Variants in CSMD1 observed in about 807,000 individuals in gnomAD.
CSMD1 encodes CUB and sushi domain-containing protein 1.
A neutral mutation model predicts 417.5 loss-of-function variants in CSMD1; 213 were observed. That is an observed-to-expected ratio of 0.51 (90% CI 0.46 to 0.57). The LOEUF (loss-of-function observed/expected upper bound fraction) is 0.57. Ranked by LOEUF, CSMD1 falls within the 20% of genes least tolerant of loss-of-function variation. The pLI is 0.00. For synonymous variants in CSMD1, 2,862 were observed against 1,736.8 expected, an observed-to-expected ratio of 1.65 and a Z score of -16.11; for missense variants, 6,923 against 4,529.7, an observed-to-expected ratio of 1.53 and a Z score of -15.17.
chr8:3,132,341 T>C (rs1400817897), intron 41 of CSMD1, among the ~76,000 whole-genome samples: 1 of 152,258 alleles, frequency 6.6e-6, no homozygotes, highest in East Asian at 1.9e-4. Flanking sequence ...GCTAGCCTAA[T>C]ACATAGACGG....
intron 5 of CSMD1, among the ~76,000 whole-genome samples, chr8:3,915,486 A>G (rs1302823012): frequency 2.0e-5 from 3 of 151,736 alleles, no homozygotes; most frequent in African/African-American, 7.3e-5. Flanking sequence ...AGTGCAGGAA[A>G]GGATGACATG....
intron 5 of CSMD1, among the ~76,000 whole-genome samples, chr8:3,945,166 C>T (rs1325988313): frequency 9.0e-6 from 1 of 111,596 alleles, no homozygotes; most frequent in Non-Finnish European, 1.8e-5. Flanking sequence ...AATAATTTGA[C>T]CATGAGAAAG....
chr8:4,607,407 G>A (rs1423474113), intron 2 of CSMD1, among the ~76,000 whole-genome samples: 1 of 152,138 alleles, frequency 6.6e-6, no homozygotes, highest in Non-Finnish European at 1.5e-5. Context: ...AAAATTGCAG[G>A]CAACAACTTC....
At chr8:4,408,474 T>C (rs1212001412) in intron 3 of CSMD1, among the ~76,000 whole-genome samples, 2 of 152,214 alleles carry the variant, frequency 1.3e-5, no homozygotes, top group Non-Finnish European at 2.9e-5. Context: ...TATTGACTGT[T>C]TTTAATAGCT....
intron 1 of CSMD1, among the ~76,000 whole-genome samples, chr8:4,868,333 G>T (rs897635047): frequency 6.6e-6 from 1 of 151,882 alleles, no homozygotes; most frequent in Non-Finnish European, 1.5e-5. Flanking sequence ...CCCTGGGTTC[G>T]AGCGATTCGC....
Position 4,398,451 on chromosome 8 carries a change from T to G in CSMD1, c.415+21502A>C, listed in dbSNP as rs1048902052. Among the ~76,000 whole-genome samples the G allele has an allele frequency of 3.6e-5, 5 of 138,414 alleles. No individual in the cohort carries two copies. In the East Asian group the frequency reaches 6.7e-4, roughly 19 times the overall value. The allele number at this position is 138,414 out of a possible 152,430, so 90.8% of individuals were successfully genotyped here. A position where few individuals can be genotyped will look rare whatever the true frequency, so the allele number is the denominator to read the frequency against. The stretch of plus-strand genomic sequence containing the variant: ...TCTGTCACCCCAGGCTGGAGCGCAG[T>G]GGTGCGATCTCGGCTCACTGCAACC... On this transcript the variant is annotated intron_variant, in intron 3 of 69. Transcript: ENST00000635120.
intron 3 of CSMD1, among the ~76,000 whole-genome samples, chr8:4,283,854 C>G (rs779122): frequency 0.94 from 142,469 of 152,270 alleles, 67,380 homozygotes; most frequent in East Asian, 1. Flanking sequence ...CTAACAGTTT[C>G]ATGTGCTGAC....
intron 5 of CSMD1, among the ~76,000 whole-genome samples, chr8:3,971,584 T>C (rs959096691): frequency 1.3e-5 from 2 of 152,190 alleles, no homozygotes; most frequent in Admixed American, 1.3e-4. Flanking sequence ...CATAATTTTG[T>C]AGAATATGTT....
chr8:4,297,927 G>A (rs763254501), intron 3 of CSMD1, among the ~76,000 whole-genome samples: 3 of 152,144 alleles, frequency 2.0e-5, no homozygotes, highest in South Asian at 2.1e-4. Context: ...GTTTTTATTA[G>A]CAAAGGAAAA....
intron 22 of CSMD1, among the ~76,000 whole-genome samples, chr8:3,344,698 C>A (rs1807875891): frequency 6.6e-6 from 1 of 152,250 alleles, no homozygotes; most frequent in East Asian, 1.9e-4. Context: ...CTATTTTCCC[C>A]ACTTCTTTCC....
intron 1 of CSMD1, among the ~76,000 whole-genome samples, chr8:4,878,285 CTT>C (rs1803175126): frequency 6.6e-6 from 1 of 152,070 alleles, no homozygotes; most frequent in Non-Finnish European, 1.5e-5. Flanking sequence ...TCTTGACCAA[CTT>C]AACACAACGC....
At chr8:4,549,392 C>A (rs1227902071) in intron 2 of CSMD1, among the ~76,000 whole-genome samples, 2 of 152,142 alleles carry the variant, frequency 1.3e-5, no homozygotes, top group Non-Finnish European at 2.9e-5. Context: ...AAACAAAACA[C>A]AGTAACAGTT....
chr8:4,001,305 G>A (rs576633036), intron 4 of CSMD1, among the ~76,000 whole-genome samples: 9 of 152,128 alleles, frequency 5.9e-5, no homozygotes, highest in African/African-American at 2.2e-4. Context: ...AACATAACAG[G>A]GACACCAGCC....
chr8:3,278,176 C>A (rs6986171), intron 26 of CSMD1, among the ~76,000 whole-genome samples: 2 of 151,918 alleles, frequency 1.3e-5, no homozygotes, highest in African/African-American at 4.8e-5. Flanking sequence ...TGAAAAACAA[C>A]TGAAGAAAGA....
chr8:3,443,880 G>A (rs535770667), intron 12 of CSMD1, among the ~76,000 whole-genome samples: 9 of 152,218 alleles, frequency 5.9e-5, no homozygotes, highest in South Asian at 4.1e-4. Context: ...AATTTTTCAC[G>A]TCTGTGTTGT....
At chr8:4,270,142 G>T (rs184115041) in intron 3 of CSMD1, among the ~76,000 whole-genome samples, 1 of 152,178 alleles carries the variant, frequency 6.6e-6, no homozygotes, top group African/African-American at 2.4e-5. Context: ...AGGGAGGCTG[G>T]AATGTGGACG....
intron 3 of CSMD1, among the ~76,000 whole-genome samples, chr8:4,417,956 C>T (rs148672059): frequency 1.3e-5 from 2 of 151,992 alleles, no homozygotes; most frequent in South Asian, 4.1e-4. Context: ...CTCTTCTACT[C>T]TAGATTATCT....
At chr8:4,904,629 C>T (rs1234537280) in intron 1 of CSMD1, among the ~76,000 whole-genome samples, 4 of 152,122 alleles carry the variant, frequency 2.6e-5, no homozygotes, top group African/African-American at 9.7e-5. Context: ...AGCGCCCAAC[C>T]ATCCAAGTCA....
intron 10 of CSMD1, among the ~76,000 whole-genome samples, chr8:3,526,729 T>A (rs968655537): frequency 8.5e-5 from 13 of 152,202 alleles, no homozygotes; most frequent in African/African-American, 2.9e-4. Flanking sequence ...TGTATCCCCT[T>A]CAATAAGTTA....
Sources: gnomAD v4.1 joint callset for allele counts (sites outside exome capture counted in the v4.1 genomes callset) on GRCh38, gnomAD v4.1.1 for gene constraint, MANE v1.5 for transcripts, NCBI Gene and HGNC (gene_info 2026-07-23, HGNC 2026-07-21) for gene names.